KCNT2: variants seen among roughly 807,000 people sequenced by gnomAD.
KCNT2 encodes potassium channel subfamily T member 2.
Under a neutral mutation model 153.8 loss-of-function variants are expected in KCNT2, and 67 were observed. That is an observed-to-expected ratio of 0.44 (90% confidence interval 0.36 to 0.53). The LOEUF (loss-of-function observed/expected upper bound fraction) is 0.53, where lower values mean the gene tolerates loss of function less well. KCNT2 is among the 20% of genes least tolerant of loss of function. KCNT2 has a pLI of 0.00. For missense variants in KCNT2, 975 were observed against 1,354.8 expected (o/e 0.72, Z 4.40); for synonymous variants, 500 against 458.8 (o/e 1.09, Z -1.15).
intron 26 of KCNT2, among the ~76,000 whole-genome samples, chr1:196,253,629 C>T (rs1188195664): frequency 1.3e-5 from 2 of 151,512 alleles, no homozygotes; most frequent in African/African-American, 2.4e-5. Context: ...CAAAGTTATA[C>T]GCTTCCTTTG....
chr1:196,606,454 C>A (rs1384967662), intron 1 of KCNT2, among the ~76,000 whole-genome samples: 1 of 152,048 alleles, frequency 6.6e-6, no homozygotes, highest in Non-Finnish European at 1.5e-5. Context: ...GTAAATGTGG[C>A]CTGCTTTTTA....
At chr1:196,329,380 T>C (rs1203856263) in intron 18 of KCNT2, among the ~76,000 whole-genome samples, 1 of 152,164 alleles carries the variant, frequency 6.6e-6, no homozygotes, top group Non-Finnish European at 1.5e-5. Flanking sequence ...AAAGAGACAG[T>C]TAATAGTCCT....
intron 8 of KCNT2, among the ~76,000 whole-genome samples, chr1:196,453,214 T>G (rs149255145): frequency 2.3e-4 from 35 of 151,996 alleles, no homozygotes; most frequent in African/African-American, 7.7e-4. Context: ...CGCCAGAGAC[T>G]GCAGTAGAAC....
intron 1 of KCNT2, among the ~76,000 whole-genome samples, chr1:196,511,129 AC>A (rs1315356266): frequency 2.0e-5 from 3 of 148,232 alleles, no homozygotes; most frequent in African/African-American, 2.5e-5. Flanking sequence ...ACACACACAC[AC>A]ACACACACAC....
At chr1:196,543,606 C>T (rs1351760465) in intron 1 of KCNT2, among the ~76,000 whole-genome samples, 6 of 152,018 alleles carry the variant, frequency 3.9e-5, no homozygotes, top group African/African-American at 9.7e-5. Context: ...ATACTGTGTT[C>T]GGAAAATGGA....
chr1:196,309,378 T>C (rs928495082), intron 21 of KCNT2, among the ~76,000 whole-genome samples: 4 of 151,998 alleles, frequency 2.6e-5, no homozygotes, highest in Non-Finnish European at 4.4e-5. Context: ...TATACACATA[T>C]ATGTAGCTAG....
chr1:196,369,902 C>G (rs1668373760), intron 14 of KCNT2, among the ~76,000 whole-genome samples: 3 of 152,118 alleles, frequency 2.0e-5, no homozygotes, highest in Non-Finnish European at 2.9e-5. Context: ...AATCACCACA[C>G]TGCGAAGGAC....
At chr1:196,574,535 A>G (rs1284530319) in intron 1 of KCNT2, among the ~76,000 whole-genome samples, 1 of 151,880 alleles carries the variant, frequency 6.6e-6, no homozygotes, top group Non-Finnish European at 1.5e-5. Flanking sequence ...ACACTTTACA[A>G]CAAAATTCCT....
intron 21 of KCNT2, among the ~76,000 whole-genome samples, chr1:196,313,531 C>T (rs2148011052): frequency 6.6e-6 from 1 of 151,518 alleles, no homozygotes; most frequent in Non-Finnish European, 1.5e-5. Flanking sequence ...AAATGCAACT[C>T]CCAAGTCTGT....
At chr1:196,253,357 T>C (rs1656161129) in intron 26 of KCNT2, among the ~76,000 whole-genome samples, 1 of 151,532 alleles carries the variant, frequency 6.6e-6, no homozygotes, top group African/African-American at 2.4e-5. Context: ...ATCCAGTATT[T>C]AACTTGGAAT....
rs141611308 is a variant in KCNT2 at position 196,265,053 on chromosome 1, T to A, written c.2911-6559A>T. 4.1e-3 allele frequency among the ~76,000 whole-genome samples: 629 copies of A among 152,294 alleles called. 6 individuals are homozygous for A. Among genetic ancestry groups the A allele is most frequent in the African/African-American group, 0.014 (596 of 41,564 alleles). The stretch of plus-strand genomic sequence containing the variant: ...ACTCTCCATGGAAAGCCTCATTATA[T>A]GAGTTGTAGCCCTTTCAATACCCTC... On this transcript the variant is annotated intron_variant, in intron 25 of 27. Transcript: ENST00000294725.
chr1:196,233,648 T>C (rs1331229219), intron 27 of KCNT2, among the ~76,000 whole-genome samples: 1 of 151,402 alleles, frequency 6.6e-6, no homozygotes, highest in Non-Finnish European at 1.5e-5. Flanking sequence ...ATAACATATT[T>C]GAATGGATGG....
chr1:196,517,294 T>C (rs1416966), intron 1 of KCNT2, among the ~76,000 whole-genome samples: 130,391 of 152,178 alleles, frequency 0.86, 56,704 homozygotes, highest in East Asian at 0.99. Context: ...GCCCAGCAGT[T>C]AAAGCAATAT....
chr1:196,270,725 G>A (rs1002754223), intron 25 of KCNT2, among the ~76,000 whole-genome samples: 1 of 151,888 alleles, frequency 6.6e-6, no homozygotes, highest in African/African-American at 2.4e-5. Flanking sequence ...GTGTGTATAT[G>A]AGTGTGTGTG....
Position 196,235,990 on chromosome 1 carries a change from C to T in KCNT2, c.3292G>A (p.Val1098Ile), listed in dbSNP as rs1179610366. Residue 1098 changes from valine (V) to isoleucine (I), a missense_variant, in exon 27 of 28, where the codon GTT (valine) becomes ATT (isoleucine). Val to Ile is a conservative substitution (Grantham distance 29, BLOSUM62 3). Transcript: ENST00000294725. ...TGAGATATGAGATCAACTTACACAA[C>T]ATCATTCAGCTCTATTCTGGTATCT... ...SPDTRIELND[V>I]VYLIRPDPLA... 6.3e-7 allele frequency: 1 copy of T among 1,578,372 alleles called. No homozygotes were observed. Among genetic ancestry groups the T allele is most frequent in the South Asian group, 1.1e-5 (1 of 90,054 alleles).
chr1:196,375,418 G>T (rs922210365), intron 13 of KCNT2, among the ~76,000 whole-genome samples: 18 of 151,754 alleles, frequency 1.2e-4, no homozygotes, highest in Non-Finnish European at 2.1e-4. Context: ...ATCTAGGGAT[G>T]CAACTGCGGT....
At chr1:196,457,641 C>T (rs942195299) in intron 8 of KCNT2, among the ~76,000 whole-genome samples, 4 of 151,758 alleles carry the variant, frequency 2.6e-5, no homozygotes, top group African/African-American at 9.7e-5. Context: ...TTAAGAACAA[C>T]CTAGATAGCA....
chr1:196,543,290 C>A lies in KCNT2; in HGVS notation c.96-50949G>T, dbSNP rs181658605. On this transcript the variant is annotated intron_variant, in intron 1 of 27. Transcript: ENST00000294725. ...ATATCTTAGAGAATTAACATTTTAA[C>A]ACACTGCAGTTGTGAGGATTCTAAA... is the stretch of plus-strand genomic sequence containing the variant. Among the ~76,000 whole-genome samples the A allele has an allele frequency of 2.0e-5, 3 of 152,224 alleles. No individual in the cohort carries two copies. In the East Asian group the frequency reaches 5.8e-4, roughly 29 times the overall value.
chr1:196,407,036 G>A (rs921216731), intron 12 of KCNT2, among the ~76,000 whole-genome samples: 4 of 151,476 alleles, frequency 2.6e-5, no homozygotes, highest in Non-Finnish European at 4.4e-5. Flanking sequence ...ACACTGTATC[G>A]TTTACTAGTC....
Sources: allele counts gnomAD v4.1 joint callset (sites outside exome capture counted in the v4.1 genomes callset), GRCh38; gene constraint gnomAD v4.1.1; transcripts MANE v1.5; gene names NCBI Gene and HGNC (gene_info 2026-07-23, HGNC 2026-07-21).